Variants in LDAH observed in about 807,000 individuals in gnomAD.
LDAH encodes the protein lipid droplet-associated hydrolase.
LDAH carries 26 observed loss-of-function variants against 29.6 expected under a neutral mutation model. The observed-to-expected ratio is 0.88, with a 90% CI of 0.64 to 1.22. The LOEUF (loss-of-function observed/expected upper bound fraction) is 1.22. Among genes scored for constraint, LDAH ranks in the 50% most tolerant of loss-of-function variants. The pLI is 0.00. For missense variants in LDAH, 344 were observed against 387.3 expected, an observed-to-expected ratio of 0.89 and a Z score of 0.94; for synonymous variants, 117 against 133.0, an observed-to-expected ratio of 0.88 and a Z score of 0.83.
At chr2:20,705,172 G>A (rs1226651241) in intron 5 of LDAH, among the ~76,000 whole-genome samples, 1 of 152,094 alleles carries the variant, frequency 6.6e-6, no homozygotes, top group East Asian at 1.9e-4. Context: ...ACATAGTTTG[G>A]CTGTATATAG....
At chr2:20,687,637 G>A (rs1251484269) in intron 6 of LDAH, among the ~76,000 whole-genome samples, 1 of 152,226 alleles carries the variant, frequency 6.6e-6, no homozygotes, top group Non-Finnish European at 1.5e-5. Flanking sequence ...TATGCAGCCT[G>A]TATGTTGATT....
chr2:20,742,547 A>AATT (rs1667255879), intron 4 of LDAH, among the ~76,000 whole-genome samples: 1 of 152,076 alleles, frequency 6.6e-6, no homozygotes, highest in South Asian at 2.1e-4. Context: ...ATCATTACGT[A>AATT]ATTACCTTTT....
downstream of LDAH, chr2:20,684,008 C>T (rs1040467310): frequency 1.3e-5 from 2 of 152,180 alleles, no homozygotes; most frequent in Non-Finnish European, 2.9e-5. Context: ...AGCAATGAGA[C>T]ACGGATGCAG....
In LDAH at chr2:20,819,536, G is replaced by C. The variant is rs191611944; in HGVS notation, c.-3+3501C>G. ...CAAAAACCACATGATTATCTCAATA[G>C]ATGCAGAAAAGGCCTTTGACAAGAT... On this transcript the variant is annotated intron_variant, in intron 1 of 6. Transcript: ENST00000237822. 2.4e-3 allele frequency among the ~76,000 whole-genome samples: 366 copies of C among 152,296 alleles called. 1 individual carries two copies. The highest frequency in any genetic ancestry group is 2.9e-3 in the African/African-American group (119 of 41,558).
At chr2:20,746,297 G>A (rs1667564812) in intron 4 of LDAH, among the ~76,000 whole-genome samples, 1 of 152,074 alleles carries the variant, frequency 6.6e-6, no homozygotes, top group African/African-American at 2.4e-5. Context: ...CCTTTACTGT[G>A]ACCCATGTTA....
At chr2:20,815,015 C>T (rs1175895685) in intron 1 of LDAH, among the ~76,000 whole-genome samples, 1 of 152,232 alleles carries the variant, frequency 6.6e-6, no homozygotes, top group African/African-American at 2.4e-5. Flanking sequence ...TTCATATATA[C>T]AAATAACCTA....
intron 1 of LDAH, among the ~76,000 whole-genome samples, chr2:20,814,371 A>G (rs1466428489): frequency 6.6e-6 from 1 of 152,106 alleles, no homozygotes; most frequent in African/African-American, 2.4e-5. Flanking sequence ...GTTTTTTCTT[A>G]GATTTACCTA....
At chr2:20,802,899 C>T (rs1349159798) in intron 1 of LDAH, among the ~76,000 whole-genome samples, 3 of 152,106 alleles carry the variant, frequency 2.0e-5, no homozygotes, top group Admixed American at 6.5e-5. Flanking sequence ...TGACATGATG[C>T]TAAGCTCTGT....
intron 2 of LDAH, among the ~76,000 whole-genome samples, chr2:20,795,154 T>G (rs1022414442): frequency 1.2e-4 from 18 of 152,322 alleles, no homozygotes; most frequent in African/African-American, 4.1e-4. Context: ...CACTTGAACA[T>G]GCTCATAACA....
At chr2:20,731,100 T>A (rs1016999332) in intron 5 of LDAH, among the ~76,000 whole-genome samples, 17 of 152,248 alleles carry the variant, frequency 1.1e-4, no homozygotes, top group Non-Finnish European at 5.9e-5. Flanking sequence ...CGGATTTTGA[T>A]AGCAACTATG....
chr2:20,687,444 C>CA (rs1250624640), intron 6 of LDAH, among the ~76,000 whole-genome samples: 45 of 152,236 alleles, frequency 3.0e-4, no homozygotes, highest in Non-Finnish European at 2.9e-5. Context: ...GAGACATAGT[C>CA]ACTGAATGAC....
chr2:20,729,898 C>T (rs578014779), intron 5 of LDAH, among the ~76,000 whole-genome samples: 17 of 152,270 alleles, frequency 1.1e-4, no homozygotes, highest in Non-Finnish European at 2.2e-4. Flanking sequence ...TAGGCTCAAG[C>T]GATCCTCCTG....
At chr2:20,821,565 A>G (rs1673303645) in intron 1 of LDAH, among the ~76,000 whole-genome samples, 1 of 152,148 alleles carries the variant, frequency 6.6e-6, no homozygotes, top group African/African-American at 2.4e-5. Context: ...GAATTGAACA[A>G]TGAGAACACT....
intron 6 of LDAH, among the ~76,000 whole-genome samples, chr2:20,696,584 C>T (rs1456683523): frequency 6.6e-6 from 1 of 152,190 alleles, no homozygotes; most frequent in African/African-American, 2.4e-5. Flanking sequence ...CTGGGCCAAA[C>T]GTGGTCATGG....
At chr2:20,694,465 CCT>C (rs1663273765) in intron 6 of LDAH, among the ~76,000 whole-genome samples, 1 of 152,220 alleles carries the variant, frequency 6.6e-6, no homozygotes, top group Non-Finnish European at 1.5e-5. Context: ...TCTTTCTGAG[CCT>C]CTGTTTTTAG....
At chr2:20,793,284 GA>G (rs548542728) in intron 2 of LDAH, among the ~76,000 whole-genome samples, 27 of 151,876 alleles carry the variant, frequency 1.8e-4, no homozygotes, top group Admixed American at 1.6e-3. Context: ...AGAATAGAGT[GA>G]AAAAAAGGTC....
In LDAH at chr2:20,684,921, C is replaced by T; in HGVS notation, c.*1982G>A. On this transcript the variant is annotated 3_prime_UTR_variant, in exon 7 of 7. Transcript: ENST00000237822. ...TCAGTCTCTTGAAATCTGATTCTTC[C>T]ACCTATGAAAAAAGCAATGAGAAAG... is the stretch of plus-strand genomic sequence containing the variant. The T allele has an allele frequency of 6.5e-7, 1 of 1,549,350 alleles. No homozygotes were observed. The highest frequency in any genetic ancestry group is 8.7e-7 in the Non-Finnish European group (1 of 1,146,492).
At chr2:20,794,108 T>G (rs757740525) in intron 2 of LDAH, among the ~76,000 whole-genome samples, 211 of 152,012 alleles carry the variant, frequency 1.4e-3, no homozygotes, top group Non-Finnish European at 1.3e-3. Context: ...ACAATCATGG[T>G]GGAAGGCAAG....
Position 20,790,347 on chromosome 2 carries a change from G to C in LDAH, c.206C>G (p.Ser69Cys), listed in dbSNP as rs36063668. The C allele has an allele frequency of 3.7e-6, 6 of 1,614,054 alleles. No individual in the cohort carries two copies. The Admixed American group carries it at 5.0e-5, about 13-fold the overall frequency. ...FYVPFAKALY[S>C]LTNRRFPVWT... ...AACTGGAAAGCGTCTGTTTGTCAAA[G>C]AGTATAAAGCCTTTGCAAATGGCAC... The change falls in exon 3 of 7, where the codon TCT becomes TGT. Residue 69 changes from serine (S) to cysteine (C), a missense_variant. Physicochemically the swap from Ser to Cys is moderately radical, Grantham distance 112. Coordinates refer to ENST00000237822, the MANE Select transcript of LDAH (RefSeq NM_021925.4).
Sources: allele counts gnomAD v4.1 joint callset (sites outside exome capture counted in the v4.1 genomes callset), GRCh38; gene constraint gnomAD v4.1.1; transcripts MANE v1.5; gene names NCBI Gene and HGNC (gene_info 2026-07-23, HGNC 2026-07-21).